The following MAN2A1 variants were observed in gnomAD, a reference collection of about 807,000 sequenced individuals.
The protein encoded by MAN2A1 is alpha-mannosidase 2.
A neutral mutation model predicts 142.6 loss-of-function variants in MAN2A1; 76 were observed. That is an observed-to-expected ratio of 0.53 (90% CI 0.44 to 0.65). MAN2A1 has a LOEUF of 0.65. Ranked by LOEUF, MAN2A1 falls within the 30% of genes least tolerant of loss-of-function variation. The pLI, the probability that MAN2A1 is intolerant of heterozygous loss-of-function variation, is 0.00. For synonymous variants in MAN2A1, 559 were observed against 473.2 expected (o/e 1.18, Z -2.35); for missense variants, 1,311 against 1,365.1 (o/e 0.96, Z 0.62).
chr5:109,737,000 A>G (rs1752119569), intron 4 of MAN2A1, among the ~76,000 whole-genome samples: 1 of 151,150 alleles, frequency 6.6e-6, no homozygotes, highest in South Asian at 2.1e-4. Context: ...TAGAAAAATA[A>G]TTTTCAATTT....
intron 8 of MAN2A1, among the ~76,000 whole-genome samples, chr5:109,779,169 C>A (rs1434537172): frequency 6.6e-6 from 1 of 152,028 alleles, no homozygotes; most frequent in Non-Finnish European, 1.5e-5. Context: ...TATTTTTCTA[C>A]CCTTAAAGAT....
At chr5:109,711,517 G>A (rs752790518) in intron 1 of MAN2A1, among the ~76,000 whole-genome samples, 23 of 152,132 alleles carry the variant, frequency 1.5e-4, no homozygotes, top group Middle Eastern at 3.2e-3. Flanking sequence ...ATCCCCTTTC[G>A]TCTTTTCATG....
At chr5:109,798,674 G>C (rs1753929980) in intron 12 of MAN2A1, among the ~76,000 whole-genome samples, 1 of 143,890 alleles carries the variant, frequency 6.9e-6, no homozygotes, top group Non-Finnish European at 1.5e-5. Flanking sequence ...TTGTTTGTTT[G>C]TTTTGTTTTG....
chr5:109,813,367 C>T (rs907980083), intron 12 of MAN2A1, among the ~76,000 whole-genome samples: 11 of 152,168 alleles, frequency 7.2e-5, no homozygotes, highest in African/African-American at 2.7e-4. Flanking sequence ...TATGCCTGGC[C>T]TGTGAGTGAA....
intron 16 of MAN2A1, among the ~76,000 whole-genome samples, chr5:109,833,245 G>A (rs1204842724): frequency 1.3e-5 from 2 of 151,938 alleles, no homozygotes; most frequent in Admixed American, 1.3e-4. Context: ...AGGCAGAGAC[G>A]CTCCTCGCTT....
At chr5:109,789,191 A>G (rs896033537) in intron 11 of MAN2A1, 143 bp downstream of exon 11, 37 of 546,604 alleles carry the variant, frequency 6.8e-5, no homozygotes, top group African/African-American at 6.2e-4. Context: ...ATCACTTAAT[A>G]TAAATTACCT....
At chr5:109,806,311 C>T (rs994702579) in intron 12 of MAN2A1, among the ~76,000 whole-genome samples, 3 of 152,118 alleles carry the variant, frequency 2.0e-5, no homozygotes, top group Non-Finnish European at 2.9e-5. Context: ...GGCTACATAA[C>T]CATGAGTAGG....
At chr5:109,770,250 C>G in intron 6 of MAN2A1, 105 bp from the exon 7 acceptor site, 2 of 1,047,504 alleles carry the variant, frequency 1.9e-6, no homozygotes, top group East Asian at 2.4e-5. Context: ...TGATTTAGCA[C>G]AGAGCTAAAT....
chr5:109,857,677 C>T (rs1333113133), intron 20 of MAN2A1, among the ~76,000 whole-genome samples: 2 of 152,206 alleles, frequency 1.3e-5, no homozygotes, highest in East Asian at 3.8e-4. Flanking sequence ...TGGTTACTCA[C>T]TTCTTCACAT....
At chr5:109,722,330 C>T (rs1214991243) in intron 3 of MAN2A1, among the ~76,000 whole-genome samples, 2 of 152,142 alleles carry the variant, frequency 1.3e-5, no homozygotes, top group Admixed American at 1.3e-4. Context: ...TATATTAGTA[C>T]ATGAGATAGT....
At chr5:109,743,146 A>G (rs184102734) in intron 4 of MAN2A1, among the ~76,000 whole-genome samples, 45 of 152,264 alleles carry the variant, frequency 3.0e-4, no homozygotes, top group African/African-American at 9.9e-4. Context: ...TTTCGGGTCT[A>G]TTCTGGCACT....
intron 4 of MAN2A1, among the ~76,000 whole-genome samples, chr5:109,745,509 A>G (rs1456384579): frequency 1.3e-5 from 2 of 152,176 alleles, no homozygotes; most frequent in Non-Finnish European, 2.9e-5. Context: ...TATTTTATGA[A>G]TAAAGTATTG....
chr5:109,781,791 A>G (rs1022323480), intron 9 of MAN2A1, among the ~76,000 whole-genome samples, 193 bp downstream of exon 9: 1 of 152,140 alleles, frequency 6.6e-6, no homozygotes, highest in East Asian at 1.9e-4. Flanking sequence ...AAATTATTAC[A>G]TGGGTTTTTG....
chr5:109,857,143 A>G (rs552092569), intron 20 of MAN2A1, among the ~76,000 whole-genome samples: 46 of 152,318 alleles, frequency 3.0e-4, no homozygotes, highest in Non-Finnish European at 5.0e-4. Flanking sequence ...GGAAAAGAGC[A>G]AGTGTGAAGG....
chr5:109,792,365 T>C (rs2112682980), intron 12 of MAN2A1, among the ~76,000 whole-genome samples: 1 of 152,154 alleles, frequency 6.6e-6, no homozygotes, highest in Admixed American at 6.6e-5. Context: ...TACTTTTTGG[T>C]TCTAAGCCAT....
At position 109,755,436 on chromosome 5, in the gene MAN2A1, A is replaced by G; in HGVS notation, c.815A>G (p.Gln272Arg). 6.2e-7 allele frequency: 1 copy of G among 1,611,754 alleles called. No individual in the cohort carries two copies. The highest frequency in any genetic ancestry group is 8.5e-7 in the Non-Finnish European group (1 of 1,177,936). Residue 272 changes from glutamine to arginine, a missense_variant, in exon 5 of 22, where the codon CAG becomes CGG. Gln to Arg is a conservative substitution (Grantham distance 43). Transcript: ENST00000261483. ...ATTGATCAACTAATTGAAGGACATCAGTGGCTGGAAAATAATATAGGTATG... is the reference window on the plus strand; with the variant it reads ...ATTGATCAACTAATTGAAGGACATCGGTGGCTGGAAAATAATATAGGTATG... Reference protein sequence around the residue: ...ALIDQLIEGHQWLENNIGVKP... With the variant: ...ALIDQLIEGHRWLENNIGVKP...
In MAN2A1 at chr5:109,866,920, A is replaced by T. The variant is rs750041073; in HGVS notation, c.3357A>T (p.Ser1119=). 1 of 1,612,578 alleles carries T rather than the reference A, an allele frequency of 6.2e-7. No individual in the cohort carries two copies. Among genetic ancestry groups the T allele is most frequent in the Non-Finnish European group, 8.5e-7 (1 of 1,179,064 alleles). ...LTPSSLSLMH[S]PPGTQNISEI... is the part of the protein sequence containing the mutation. ...CTTCATCACTATCCTTGATGCATTCACCTCCCGGCACTCAGAATATAAGTG... is the reference window on the plus strand; with the variant it reads ...CTTCATCACTATCCTTGATGCATTCTCCTCCCGGCACTCAGAATATAAGTG... The change falls in exon 22 of 22, where the codon TCA becomes TCT. Residue 1119 remains serine (S), a synonymous_variant. Transcript: ENST00000261483.
rs534070984 is a variant in MAN2A1, at chr5:109,734,118, C to A, written c.707+4605C>A. 3.2e-3 allele frequency among the ~76,000 whole-genome samples: 493 copies of A among 151,930 alleles called. 5 individuals are homozygous for A. The highest frequency in any genetic ancestry group is 0.011 in the African/African-American group (456 of 41,450). The stretch of plus-strand genomic sequence containing the variant: ...GGGTGTATGTGTCCAGGAATTTATC[C>A]ATTTCTTCTAGATTTTCTAGTTTAT... On this transcript the variant is annotated intron_variant, in intron 4 of 21. Coordinates refer to ENST00000261483, the MANE Select transcript of MAN2A1 (RefSeq NM_002372.4).
Position 109,866,863 on chromosome 5 carries a change from T to C in MAN2A1, c.3300T>C (p.Leu1100=), listed in dbSNP as rs1755896072. ...TTQGKILVQK[L]LNKFIVESLT... Reference sequence around the variant, plus strand: ...CTTTTCAGATATTGGTACAGAAACTTTTAAACAAGTTTATTGTCGAAAGTC... The same window carrying C: ...CTTTTCAGATATTGGTACAGAAACTCTTAAACAAGTTTATTGTCGAAAGTC... Residue 1100 remains leucine (L), a synonymous_variant, in exon 22 of 22, where the codon CTT becomes CTC. Transcript: ENST00000261483. 6.2e-7 allele frequency: 1 copy of C among 1,605,980 alleles called. No homozygotes were observed. Among genetic ancestry groups the C allele is most frequent in the Admixed American group, 1.7e-5 (1 of 58,714 alleles).
Sources: allele counts gnomAD v4.1 joint callset (sites outside exome capture counted in the v4.1 genomes callset), GRCh38; gene constraint gnomAD v4.1.1; transcripts MANE v1.5; gene names NCBI Gene and HGNC (gene_info 2026-07-23, HGNC 2026-07-21).